The following IL33 variants were observed in gnomAD, a reference collection of about 807,000 sequenced individuals.
IL33 encodes the protein interleukin 33, also known as interleukin-33.
IL33 carries 37 observed loss-of-function variants against 27.3 expected under a neutral mutation model. That is an observed-to-expected ratio of 1.36 (90% CI 1.04 to 1.78). The LOEUF (loss-of-function observed/expected upper bound fraction) is 1.78, where lower values mean the gene tolerates loss of function less well. Ranked by LOEUF, IL33 falls within the 40% of genes most tolerant of loss-of-function variation. IL33 has a pLI of 0.00. For synonymous variants in IL33, 132 were observed against 102.9 expected (o/e 1.28, Z -1.71); for missense variants, 406 against 311.4 (o/e 1.30, Z -2.29).
intron 2 of IL33, among the ~76,000 whole-genome samples, chr9:6,246,963 G>C (rs544502289): frequency 6.6e-6 from 1 of 152,322 alleles, no homozygotes; most frequent in African/African-American, 2.4e-5. Context: ...CCCAGGTAGA[G>C]ATATCCAGAA....
chr9:6,247,702 C>T (rs1482666976), intron 2 of IL33, among the ~76,000 whole-genome samples: 1 of 152,064 alleles, frequency 6.6e-6, no homozygotes, highest in Non-Finnish European at 1.5e-5. Flanking sequence ...AGTGCTCTCT[C>T]CTGCAAAGTC....
chr9:6,218,021 C>T (rs1044848354), intron 1 of IL33, among the ~76,000 whole-genome samples: 1 of 152,138 alleles, frequency 6.6e-6, no homozygotes, highest in Non-Finnish European at 1.5e-5. Flanking sequence ...TTTTGATTTC[C>T]ACCCAGAAAA....
intron 2 of IL33, among the ~76,000 whole-genome samples, chr9:6,245,538 G>A (rs1819785351): frequency 1.3e-5 from 2 of 152,180 alleles, no homozygotes; most frequent in South Asian, 2.1e-4. Flanking sequence ...GATGATAGTA[G>A]TGTGATGATA....
At chr9:6,249,993 A>G (rs1816249126) in intron 2 of IL33, among the ~76,000 whole-genome samples, 1 of 152,192 alleles carries the variant, frequency 6.6e-6, no homozygotes, top group Non-Finnish European at 1.5e-5. Flanking sequence ...CATATGAGTA[A>G]AAGATACCCC....
chr9:6,250,654 C>T (rs1816299765), intron 3 of IL33, 55 bp downstream of exon 3: 46 of 1,562,146 alleles, frequency 2.9e-5, no homozygotes, highest in Non-Finnish European at 3.9e-5. Context: ...TTTGCCTTCA[C>T]TTACCACATC....
rs1169854342 is a variant in IL33, at chr9:6,250,551, G to GC, written c.171dup (p.Cys58LeufsTer4). 6.2e-7 allele frequency: 1 copy of GC among 1,613,990 alleles called. No individual in the cohort carries two copies. The highest frequency in any genetic ancestry group is 1.1e-5 in the South Asian group (1 of 91,058). ...CTCTGGCCTTATGATAAAAAAGGAG[G>GC]CCTGTTACTTTAGGAGAGAAACCAC... On this transcript the variant is annotated frameshift_variant, in exon 3 of 8. Transcript: ENST00000682010. LOFTEE classifies it high-confidence loss of function.
intron 2 of IL33, among the ~76,000 whole-genome samples, chr9:6,246,225 C>G (rs111841620): frequency 0.02 from 2,987 of 152,122 alleles, 65 homozygotes; most frequent in Non-Finnish European, 0.023. Context: ...TGAATGTCCC[C>G]TCCAAAACTC....
At chr9:6,251,629 A>G (rs940306712) in intron 4 of IL33, among the ~76,000 whole-genome samples, 1 of 152,184 alleles carries the variant, frequency 6.6e-6, no homozygotes, top group African/African-American at 2.4e-5. Context: ...ATTTTTAAAT[A>G]TAATTCTAAC....
Position 6,241,707 on chromosome 9 carries a change from A to G in IL33, c.13A>G (p.Met5Val), listed in dbSNP as rs747277388. Reference protein sequence around the residue: MKPKMKYSTNKISTA... With the variant: MKPKVKYSTNKISTA... ...AGAATACTGAAAAATGAAGCCTAAA[A>G]TGAAGTATTCAACCAACAAAATTTC... Residue 5 changes from methionine to valine, a missense_variant, in exon 2 of 8, where the codon ATG becomes GTG. Met to Val is a conservative substitution (Grantham distance 21, BLOSUM62 1). Coordinates refer to ENST00000682010, the MANE Select transcript of IL33 (RefSeq NM_033439.4). The G allele has an allele frequency of 5.0e-6, 8 of 1,606,818 alleles. No individual in the cohort carries two copies. The highest frequency in any genetic ancestry group is 1.7e-4 in the Middle Eastern group (1 of 6,024).
chr9:6,232,794 G>A (rs1464751420), intron 1 of IL33, among the ~76,000 whole-genome samples: 2 of 151,984 alleles, frequency 1.3e-5, no homozygotes, highest in Admixed American at 6.6e-5. Flanking sequence ...CATTGCTGTT[G>A]TCACCCTTAG....
Position 6,252,994 on chromosome 9 carries a change from A to G in IL33, c.469+3A>G. 6.7e-7 allele frequency: 1 copy of G among 1,493,050 alleles called. No individual in the cohort carries two copies. 92.5% of individuals were successfully genotyped at this position (1,493,050 alleles called of 1,614,324 possible). A position where few individuals can be genotyped will look rare whatever the true frequency, so the allele number is the denominator to read the frequency against. On this transcript the variant is annotated splice_donor_region_variant and intron_variant, in intron 5 of 7. Transcript: ENST00000682010. ...CTTGAAAAAAGATGAAAAGAAAGGT[A>G]GATTATTTTCTTTTTCTATAATAAT...
At chr9:6,244,754 A>G (rs1330310559) in intron 2 of IL33, among the ~76,000 whole-genome samples, 2 of 152,186 alleles carry the variant, frequency 1.3e-5, no homozygotes, top group Admixed American at 6.5e-5. Flanking sequence ...AAAATGCAAG[A>G]TATGTCATAT....
rs776045510 is a variant in IL33, at chr9:6,253,547, T to C, written c.470-5T>C. 6.3e-7 allele frequency: 1 copy of C among 1,598,170 alleles called. No homozygotes were observed. The highest frequency in any genetic ancestry group is 8.5e-7 in the Non-Finnish European group (1 of 1,170,246). ...ACCAGAGGGATTTTATGCATTCTCT[T>C]TCAGATAAGGTGTTACTGAGTTACT... On this transcript the variant is annotated splice_polypyrimidine_tract_variant and splice_region_variant and intron_variant, in intron 5 of 7. Coordinates refer to ENST00000682010, the MANE Select transcript of IL33 (RefSeq NM_033439.4).
chr9:6,225,547 T>G (rs1286827380), intron 1 of IL33, among the ~76,000 whole-genome samples: 2 of 152,164 alleles, frequency 1.3e-5, no homozygotes, highest in Non-Finnish European at 2.9e-5. Flanking sequence ...CTCTGCAGTT[T>G]TTAATAATGC....
chr9:6,234,842 T>C (rs1819106419), intron 1 of IL33, among the ~76,000 whole-genome samples: 1 of 152,212 alleles, frequency 6.6e-6, no homozygotes, highest in Non-Finnish European at 1.5e-5. Flanking sequence ...ATGTTTCTCA[T>C]TTGCTTTAGA....
At chr9:6,246,263 A>C (rs1310404345) in intron 2 of IL33, among the ~76,000 whole-genome samples, 1 of 151,936 alleles carries the variant, frequency 6.6e-6, no homozygotes, top group East Asian at 1.9e-4. Flanking sequence ...CCATTGCGAT[A>C]GTATTAAGAG....
chr9:6,244,822 C>T (rs1389885625), intron 2 of IL33, among the ~76,000 whole-genome samples: 1 of 152,176 alleles, frequency 6.6e-6, no homozygotes, highest in African/African-American at 2.4e-5. Flanking sequence ...CAAGAAAGCA[C>T]ATTTAATTCC....
intron 2 of IL33, among the ~76,000 whole-genome samples, chr9:6,245,344 G>A (rs951636891): frequency 6.6e-6 from 1 of 152,174 alleles, no homozygotes; most frequent in Admixed American, 6.5e-5. Flanking sequence ...TCCATATCTT[G>A]CATGGCAATA....
rs77399241 is a variant in IL33, at chr9:6,235,183, C to T, written c.-11-6501C>T. On this transcript the variant is annotated intron_variant, in intron 1 of 7. Transcript: ENST00000682010. ...AGTCTCCCAAGTAGCTAAGACTGCA[C>T]GTGCACACCACCCAGTCCAGCTAAT... Among the ~76,000 whole-genome samples, 342 of 152,154 alleles carry T rather than the reference C, an allele frequency of 2.2e-3. 1 individual carries two copies. Among genetic ancestry groups the T allele is most frequent in the Middle Eastern group, 0.02 (6 of 294 alleles).
Sources: allele counts gnomAD v4.1 joint callset (sites outside exome capture counted in the v4.1 genomes callset), GRCh38; gene constraint gnomAD v4.1.1; transcripts MANE v1.5; gene names NCBI Gene and HGNC (gene_info 2026-07-23, HGNC 2026-07-21).